SLC22A4: variants seen among roughly 807,000 people sequenced by gnomAD.
SLC22A4 encodes solute carrier family 22 member 4.
In SLC22A4, 39 loss-of-function variants were observed where a neutral mutation model predicts 56.6. The ratio of observed to expected loss-of-function variants is 0.69; its 90% CI spans 0.53 to 0.90. The LOEUF (loss-of-function observed/expected upper bound fraction) is 0.90. Among genes scored for constraint, SLC22A4 ranks in the 40% least tolerant of loss-of-function variants. The pLI is 0.00. For synonymous variants in SLC22A4, 241 were observed against 281.4 expected (o/e 0.86, Z 1.44); for missense variants, 594 against 696.5 (o/e 0.85, Z 1.66).
chr5:132,295,380 T>G (rs1314629323), intron 1 of SLC22A4: 2 of 475,760 alleles, frequency 4.2e-6, no homozygotes, highest in Admixed American at 4.9e-5. Context: ...AGGAGGGGTG[T>G]GAGGGACCTT....
intron 1 of SLC22A4, among the ~76,000 whole-genome samples, chr5:132,305,742 A>C (rs1376031384): frequency 6.6e-6 from 1 of 152,252 alleles, no homozygotes; most frequent in Non-Finnish European, 1.5e-5. Context: ...AAAATACACA[A>C]AACTTGAGAG....
chr5:132,340,757 A>G, intron 9 of SLC22A4, 57 bp downstream of exon 9: 2 of 1,489,798 alleles, frequency 1.3e-6, no homozygotes, highest in Non-Finnish European at 9.4e-7. Flanking sequence ...ATAAGCATGG[A>G]AGAATAGCTA....
intron 3 of SLC22A4, among the ~76,000 whole-genome samples, chr5:132,319,301 CAAAAAAAAA>C (rs55756450): frequency 1.2e-5 from 1 of 85,526 alleles, no homozygotes; most frequent in Non-Finnish European, 2.7e-5. Context: ...AAGTCTGTCT[CAAAAAAAAA>C]AAAAAAAAGA....
Position 132,311,667 on chromosome 5 carries a change from C to T in SLC22A4, c.394-494C>T, listed in dbSNP as rs145861061. 3.2e-4 allele frequency: 58 copies of T among 179,054 alleles called. No individual in the cohort carries two copies. The East Asian group carries it at 8.2e-3, about 25-fold the overall frequency. 11.1% of individuals were successfully genotyped at this position (179,054 alleles called of 1,614,324 possible). On this transcript the variant is annotated intron_variant, in intron 1 of 9. Transcript: ENST00000200652. ...GAGGGGCCTGCTCAGAAAATAAAGT[C>T]ACAGAGCTCCTGGAACCACTTGCAC...
intron 8 of SLC22A4, among the ~76,000 whole-genome samples, chr5:132,339,321 C>T (rs1751127079): frequency 6.6e-6 from 1 of 152,012 alleles, no homozygotes; most frequent in Non-Finnish European, 1.5e-5. Context: ...TCAAAGGTGT[C>T]AATCTGAAAT....
Position 132,343,972 on chromosome 5 carries a change from T to G in SLC22A4, c.*137T>G. 1 of 630,026 alleles carries G rather than the reference T, an allele frequency of 1.6e-6. No homozygotes were observed. The highest frequency in any genetic ancestry group is 2.9e-6 in the Non-Finnish European group (1 of 350,528). The allele number at this position is 630,026 out of a possible 1,614,324, so 39.0% of individuals were successfully genotyped here. On this transcript the variant is annotated 3_prime_UTR_variant, in exon 10 of 10. Transcript: ENST00000200652. ...CCTTGCTATCAAGAAATGCTCGTCA[T>G]ACAGTAAACTCTGGATGATTCTTCC...
chr5:132,307,370 C>CA (rs2126705983), intron 1 of SLC22A4, among the ~76,000 whole-genome samples: 1 of 152,288 alleles, frequency 6.6e-6, no homozygotes, highest in South Asian at 2.1e-4. Context: ...ATTTTTCACT[C>CA]ACAGTCATCT....
intron 9 of SLC22A4, among the ~76,000 whole-genome samples, chr5:132,343,012 C>A (rs1389769881): frequency 6.6e-6 from 1 of 152,178 alleles, no homozygotes; most frequent in East Asian, 1.9e-4. Context: ...CCAGCCCCCA[C>A]CCTGAAGCTA....
intron 4 of SLC22A4, chr5:132,324,594 T>C: frequency 2.1e-6 from 1 of 471,018 alleles, no homozygotes; most frequent in Non-Finnish European, 4.4e-6. Flanking sequence ...GGTCTTACCA[T>C]TTTCCTATAA....
At chr5:132,296,281 A>G (rs1580816050) in intron 1 of SLC22A4, among the ~76,000 whole-genome samples, 1 of 152,238 alleles carries the variant, frequency 6.6e-6, no homozygotes, top group Non-Finnish European at 1.5e-5. Context: ...AACTCAAGGG[A>G]TGACAGATAT....
In SLC22A4 at chr5:132,343,948, C is replaced by A; in HGVS notation, c.*113C>A. ...TGTAACGATTGACACCAAAATGAAC[C>A]TTGCTATCAAGAAATGCTCGTCATA... On this transcript the variant is annotated 3_prime_UTR_variant, in exon 10 of 10. Transcript: ENST00000200652. 1 of 682,764 alleles carries A rather than the reference C, an allele frequency of 1.5e-6. No homozygotes were observed. The highest frequency in any genetic ancestry group is 1.8e-5 in the South Asian group (1 of 55,350). The allele number at this position is 682,764 out of a possible 1,614,324, so 42.3% of individuals were successfully genotyped here.
At chr5:132,309,013 C>T (rs1750112623) in intron 1 of SLC22A4, among the ~76,000 whole-genome samples, 1 of 152,212 alleles carries the variant, frequency 6.6e-6, no homozygotes, top group South Asian at 2.1e-4. Flanking sequence ...AACACTGTCT[C>T]CCACTGGGCC....
At chr5:132,331,932 A>G in intron 6 of SLC22A4, 82 bp downstream of exon 6, 1 of 907,724 alleles carries the variant, frequency 1.1e-6, no homozygotes, top group Non-Finnish European at 1.9e-6. Flanking sequence ...GAACATTATG[A>G]CAACGACTGG....
At chr5:132,332,730 G>GCACACACACACACACACACACACA (rs3840351) in intron 6 of SLC22A4, among the ~76,000 whole-genome samples, 1 of 145,654 alleles carries the variant, frequency 6.9e-6, no homozygotes, top group Non-Finnish European at 1.5e-5. Flanking sequence ...TATGATGGCA[G>GCACACACACACACACACACACACA]CACACACACA....
rs1750689084 is a variant in SLC22A4, at chr5:132,326,326, T to A, written c.825-951T>A. Reference sequence around the variant, plus strand: ...GGGCAAAATTTTCTAACACAAAACCTATTTTATAATTAAGTGTTGAATATT... The same window carrying A: ...GGGCAAAATTTTCTAACACAAAACCAATTTTATAATTAAGTGTTGAATATT... On this transcript the variant is annotated intron_variant, in intron 4 of 9. Transcript: ENST00000200652. 2.0e-5 allele frequency among the ~76,000 whole-genome samples: 3 copies of A among 152,244 alleles called. No homozygotes were observed. The South Asian group carries it at 6.2e-4, about 31-fold the overall frequency.
intron 5 of SLC22A4, among the ~76,000 whole-genome samples, chr5:132,329,145 G>A (rs2126730794): frequency 6.6e-6 from 1 of 151,464 alleles, no homozygotes; most frequent in East Asian, 1.9e-4. Context: ...TCACTATGTT[G>A]CCCAGGCTGG....
At position 132,322,373 on chromosome 5, in the gene SLC22A4, C is replaced by G. The variant is rs577750913; in HGVS notation, c.824+18C>G. ...CTGTGGTGGTGAGTGTGACTCGTCC[C>G]CAGACAGGCCCTCTGCTGCGGGTCA... On this transcript the variant is annotated intron_variant, in intron 4 of 9. Coordinates refer to ENST00000200652, the MANE Select transcript of SLC22A4 (RefSeq NM_003059.3). 1 of 1,611,584 alleles carries G rather than the reference C, an allele frequency of 6.2e-7. No homozygotes were observed. The highest frequency in any genetic ancestry group is 1.3e-5 in the African/African-American group (1 of 74,936).
At position 132,343,931 on chromosome 5, in the gene SLC22A4, T is replaced by C. The variant is rs148289043; in HGVS notation, c.*96T>C. ...CACTGAAATGGACTGACTGTAACGA[T>C]TGACACCAAAATGAACCTTGCTATC... is the stretch of plus-strand genomic sequence containing the variant. On this transcript the variant is annotated 3_prime_UTR_variant, in exon 10 of 10. Transcript: ENST00000200652. 58 of 747,914 alleles carry C rather than the reference T, an allele frequency of 7.8e-5. No homozygotes were observed. The highest frequency in any genetic ancestry group is 2.4e-4 in the Middle Eastern group (1 of 4,254). The allele number at this position is 747,914 out of a possible 1,614,324, so 46.3% of individuals were successfully genotyped here. A position where few individuals can be genotyped will look rare whatever the true frequency, so the allele number is the denominator to read the frequency against.
intron 6 of SLC22A4, among the ~76,000 whole-genome samples, chr5:132,334,373 G>C (rs1024485489): frequency 6.6e-6 from 1 of 152,166 alleles, no homozygotes; most frequent in Admixed American, 6.5e-5. Context: ...TCAGGAAATA[G>C]GAAAACTTGA....
Sources: gnomAD v4.1 joint callset for allele counts (sites outside exome capture counted in the v4.1 genomes callset) on GRCh38, gnomAD v4.1.1 for gene constraint, MANE v1.5 for transcripts, NCBI Gene and HGNC (gene_info 2026-07-23, HGNC 2026-07-21) for gene names.